Variants in PCDHGB4 observed in about 807,000 individuals in gnomAD.
PCDHGB4 encodes protocadherin gamma subfamily B, 4, also known as protocadherin gamma-B4.
Under a neutral mutation model 60.5 loss-of-function variants are expected in PCDHGB4, and 38 were observed. That is an observed-to-expected ratio of 0.63 (90% CI 0.48 to 0.82). PCDHGB4 has a LOEUF of 0.82. Ranked by LOEUF, PCDHGB4 falls within the 40% of genes least tolerant of loss-of-function variation. PCDHGB4 has a pLI of 0.00. For missense variants in PCDHGB4, 1,109 were observed against 1,209.6 expected, an observed-to-expected ratio of 0.92 and a Z score of 1.23; for synonymous variants, 456 against 509.7, an observed-to-expected ratio of 0.89 and a Z score of 1.42.
chr5:141,477,301 C>T lies in PCDHGB4; in HGVS notation c.2398-17506C>T, dbSNP rs756549446. The T allele has an allele frequency of 6.2e-7, 1 of 1,614,160 alleles. No homozygotes were observed. Among genetic ancestry groups the T allele is most frequent in the East Asian group, 2.2e-5 (1 of 44,872 alleles). Reference sequence around the variant, plus strand: ...TGACCTGCGAAGTTCCACCGGGTCTCCCTTTCAGCCTTACTTCTTCCCTCA... The same window carrying T: ...TGACCTGCGAAGTTCCACCGGGTCTTCCTTTCAGCCTTACTTCTTCCCTCA... On this transcript the variant is annotated intron_variant, in intron 1 of 3. Coordinates refer to ENST00000519479, the MANE Select transcript of PCDHGB4 (RefSeq NM_003736.4). The surrounding 1 kb of genome is among the most constrained non-coding windows in gnomAD (Gnocchi z 4.9).
chr5:141,459,529 G>A (rs1201996126), intron 1 of PCDHGB4, among the ~76,000 whole-genome samples: 2 of 152,134 alleles, frequency 1.3e-5, no homozygotes, highest in African/African-American at 2.4e-5. Context: ...ATTTTTGTAG[G>A]CATATTTTTT....
intron 1 of PCDHGB4, chr5:141,478,068 A>G (rs560968418): frequency 3.7e-6 from 6 of 1,614,134 alleles, no homozygotes; most frequent in East Asian, 4.5e-5. Flanking sequence ...ATCAAAGACA[A>G]TGGGGAGCCT....
chr5:141,393,937 A>G lies in PCDHGB4; in HGVS notation c.2397+3656A>G, dbSNP rs751838967. 26 of 1,613,788 alleles carry G rather than the reference A, an allele frequency of 1.6e-5. 2 individuals are homozygous for G. In the South Asian group the frequency reaches 2.9e-4, roughly 18 times the overall value. On this transcript the variant is annotated intron_variant, in intron 1 of 3. Coordinates refer to ENST00000519479, the MANE Select transcript of PCDHGB4 (RefSeq NM_003736.4). ...GCCTTCTTGAGTGTGCATGACCAAG[A>G]CTCTGGAAAGAATGGTCAAGTTGTC...
chr5:141,390,522 G>A, intron 1 of PCDHGB4: 1 of 557,096 alleles, frequency 1.8e-6, no homozygotes, highest in Non-Finnish European at 3.1e-6. Flanking sequence ...AAGCAATGAG[G>A]GTGTGGTTTT....
chr5:141,421,064 G>A (rs2096543646), intron 1 of PCDHGB4: 2 of 593,294 alleles, frequency 3.4e-6, no homozygotes, highest in Non-Finnish European at 5.7e-6. Context: ...ACACAAAGCG[G>A]AATGAGATGG....
At chr5:141,494,680 C>A in intron 1 of PCDHGB4, 127 bp from the exon 2 acceptor site, 1 of 1,560,094 alleles carries the variant, frequency 6.4e-7, no homozygotes, top group Non-Finnish European at 8.7e-7. Flanking sequence ...CCACCCCTGC[C>A]CCCTCTTAGT....
At chr5:141,425,413 T>G (rs2096873899) in intron 1 of PCDHGB4, among the ~76,000 whole-genome samples, 1 of 152,202 alleles carries the variant, frequency 6.6e-6, no homozygotes, top group African/African-American at 2.4e-5. Context: ...AGGTATAACA[T>G]ATAGTCCCAT....
intron 1 of PCDHGB4, chr5:141,478,819 C>G (rs927315523): frequency 2.1e-6 from 3 of 1,447,842 alleles, no homozygotes; most frequent in Non-Finnish European, 2.7e-6. Context: ...CACAACTAAC[C>G]AATCTTGCTA....
At chr5:141,495,910 A>C (rs2154591812) in intron 2 of PCDHGB4, among the ~76,000 whole-genome samples, 1 of 151,278 alleles carries the variant, frequency 6.6e-6, no homozygotes, top group East Asian at 1.9e-4. Flanking sequence ...GTCTCTGTAT[A>C]TCTTTCTTTG....
chr5:141,411,285 A>C (rs2095477948), intron 1 of PCDHGB4: 1 of 152,218 alleles, frequency 6.6e-6, no homozygotes, highest in South Asian at 2.1e-4. Flanking sequence ...AAAAATATTC[A>C]GAAGACAGGC....
At chr5:141,428,002 T>G in intron 1 of PCDHGB4, 1 of 1,601,328 alleles carries the variant, frequency 6.2e-7, no homozygotes, top group Non-Finnish European at 8.5e-7. Context: ...TCCGCACTCT[T>G]CGATATAGTG....
intron 1 of PCDHGB4, chr5:141,468,662 C>G (rs1381049343): frequency 6.6e-6 from 1 of 150,534 alleles, no homozygotes; most frequent in East Asian, 2.0e-4. Context: ...GTCAGGAGAT[C>G]AAGACCATCC....
At chr5:141,408,313 T>A (rs375849626) in intron 1 of PCDHGB4, 28 of 1,613,640 alleles carry the variant, frequency 1.7e-5, no homozygotes, top group Non-Finnish European at 2.0e-5. Flanking sequence ...GCTACTCGAT[T>A]CCGGAGGAGC....
rs1228335415 is a variant in PCDHGB4, at chr5:141,389,859, C to A, written c.1975C>A (p.His659Asn). The A allele has an allele frequency of 6.2e-7, 1 of 1,614,076 alleles. No homozygotes were observed. Among genetic ancestry groups the A allele is most frequent in the Non-Finnish European group, 8.5e-7 (1 of 1,179,906 alleles). ...ACCACTCTCGGCCACTGCCACGTTG[C>A]ACCTGGTCTTCGCCGACAGCTTGCA... ...QPPLSATATLHLVFADSLQEV... is the reference protein window; with the variant it reads ...QPPLSATATLNLVFADSLQEV... Residue 659 changes from histidine (H) to asparagine (N), a missense_variant, in exon 1 of 4, where the codon CAC (histidine) becomes AAC (asparagine). This residue lies in a region of PCDHGB4 where 1,068 missense variants were observed against 1,089.9 expected (regional missense o/e 0.98). Transcript: ENST00000519479.
chr5:141,493,641 G>A lies in PCDHGB4; in HGVS notation c.2398-1166G>A, dbSNP rs547664603. Among the ~76,000 whole-genome samples, 2 of 152,240 alleles carry A rather than the reference G, an allele frequency of 1.3e-5. No individual in the cohort carries two copies. The highest frequency in any genetic ancestry group is 3.9e-4 in the East Asian group (2 of 5,172). On this transcript the variant is annotated intron_variant, in intron 1 of 3. Coordinates refer to ENST00000519479, the MANE Select transcript of PCDHGB4 (RefSeq NM_003736.4). The surrounding 1 kb of genome is among the most constrained non-coding windows in gnomAD (Gnocchi z 4.3). The stretch of plus-strand genomic sequence containing the variant: ...CTAAGAATACAGTGGCTGAGGGCTG[G>A]CCATCCCTGTGCCCTTCTCCATGGC...
chr5:141,419,735 G>T (rs1013306543), intron 1 of PCDHGB4: 1 of 1,613,806 alleles, frequency 6.2e-7, no homozygotes, highest in Non-Finnish European at 8.5e-7. Context: ...AACAGGCGAG[G>T]TGCGCATGGT....
At chr5:141,505,564 G>GGATGTCAAACCTGTGTAGTTTCTCCA in intron 3 of PCDHGB4, 83 bp downstream of exon 3, 1 of 1,603,196 alleles carries the variant, frequency 6.2e-7, no homozygotes, top group Non-Finnish European at 8.5e-7. Context: ...CCCACGGACT[G>GGATGTCAAACCTGTGTAGTTTCTCCA]GATGTCAAAC....
At position 141,403,424 on chromosome 5, in the gene PCDHGB4, A is replaced by G. The variant is rs771429615; in HGVS notation, c.2397+13143A>G. ...AGCACGTTATCCACTTCCAGAAGCT[A>G]TTGATCCGGATGTTGGCGTGAACTC... is the stretch of plus-strand genomic sequence containing the variant. On this transcript the variant is annotated intron_variant, in intron 1 of 3. Transcript: ENST00000519479. The G allele has an allele frequency of 3.1e-6, 5 of 1,613,932 alleles. No homozygotes were observed. In the African/African-American group the frequency reaches 4.0e-5, roughly 13 times the overall value.
intron 1 of PCDHGB4, chr5:141,441,126 C>T (rs1319809408): frequency 6.6e-6 from 1 of 152,062 alleles, no homozygotes; most frequent in Non-Finnish European, 1.5e-5. Context: ...CAGTTGAGAC[C>T]GAATTTCTAG....
Sources: gnomAD v4.1 joint callset for allele counts (sites outside exome capture counted in the v4.1 genomes callset) on GRCh38, gnomAD v4.1.1 for gene constraint, gnomAD v4.1.1 regional missense constraint, Gnocchi (gnomAD v3.1) non-coding constraint, MANE v1.5 for transcripts, NCBI Gene and HGNC (gene_info 2026-07-23, HGNC 2026-07-21) for gene names.